LYAR: variants seen among roughly 807,000 people sequenced by gnomAD.
LYAR encodes the protein Ly1 antibody reactive.
LYAR carries 37 observed loss-of-function variants against 45.2 expected under a neutral mutation model. The ratio of observed to expected loss-of-function variants is 0.82; its 90% confidence interval spans 0.63 to 1.08. LYAR has a LOEUF of 1.08. Among genes scored for constraint, LYAR ranks in the 50% least tolerant of loss-of-function variants. LYAR has a pLI of 0.00. For missense variants in LYAR, 493 were observed against 451.0 expected, an observed-to-expected ratio of 1.09 and a Z score of -0.84; for synonymous variants, 176 against 155.1, an observed-to-expected ratio of 1.14 and a Z score of -1.00.
At chr4:4,286,807 C>T (rs896203737) in intron 1 of LYAR, among the ~76,000 whole-genome samples, 26 of 152,050 alleles carry the variant, frequency 1.7e-4, no homozygotes, top group Non-Finnish European at 3.4e-4. Context: ...CCACCACGCC[C>T]AGCTTATTTT....
intron 3 of LYAR, 143 bp from the exon 4 acceptor site, chr4:4,282,040 A>G: frequency 1.7e-6 from 1 of 598,508 alleles, no homozygotes; most frequent in Non-Finnish European, 3.0e-6. Flanking sequence ...TATTTCACTT[A>G]TTATGTTTAC....
intron 4 of LYAR, among the ~76,000 whole-genome samples, chr4:4,281,143 A>C (rs910459651): frequency 1.1e-4 from 16 of 152,278 alleles, no homozygotes; most frequent in Non-Finnish European, 1.5e-5. Context: ...ACATGGCTTG[A>C]GTTATAAAAG....
In LYAR at chr4:4,268,020, A is replaced by C; in HGVS notation, c.1009T>G (p.Leu337Val). 6.3e-7 allele frequency: 1 copy of C among 1,574,920 alleles called. No individual in the cohort carries two copies. The highest frequency in any genetic ancestry group is 8.6e-7 in the Non-Finnish European group (1 of 1,164,590). Residue 337 changes from leucine to valine, a missense_variant, in exon 10 of 10, where the codon TTA becomes GTA. Leu to Val is a conservative substitution (Grantham distance 32). Transcript: ENST00000343470. ...ITIKKLRKKV[L>V]AQYYTVTDEH... is the part of the protein sequence containing the mutation. ...TCTGTCACTGTGTAGTACTGAGCTA[A>C]AACCTTCACAAAGAAAAACATCAAA... is the stretch of plus-strand genomic sequence containing the variant.
At chr4:4,274,879 T>A in intron 6 of LYAR, 110 bp from the exon 7 acceptor site, 1 of 1,052,790 alleles carries the variant, frequency 9.5e-7, no homozygotes, top group East Asian at 2.4e-5. Flanking sequence ...AAACGGTTGG[T>A]TTAATCCCTT....
At chr4:4,274,922 T>TA (rs1251653778) in intron 6 of LYAR, among the ~76,000 whole-genome samples, 153 bp from the exon 7 acceptor site, 1 of 152,154 alleles carries the variant, frequency 6.6e-6, no homozygotes, top group Non-Finnish European at 1.5e-5. Context: ...CACCAACAGC[T>TA]AAAATGTAGC....
At chr4:4,273,484 G>T in intron 8 of LYAR, 99 bp downstream of exon 8, 1 of 784,130 alleles carries the variant, frequency 1.3e-6, no homozygotes, top group Non-Finnish European at 2.2e-6. Context: ...ACACTCCTGA[G>T]CTCAAGTGAC....
chr4:4,273,271 A>G (rs1228287302), intron 8 of LYAR, among the ~76,000 whole-genome samples: 1 of 152,222 alleles, frequency 6.6e-6, no homozygotes, highest in Non-Finnish European at 1.5e-5. Flanking sequence ...CACACCCTAG[A>G]GAACTGATTT....
At chr4:4,284,406 C>T (rs1270800855) in intron 2 of LYAR, among the ~76,000 whole-genome samples, 2 of 152,164 alleles carry the variant, frequency 1.3e-5, no homozygotes, top group African/African-American at 4.8e-5. Context: ...TAAAAGCATT[C>T]ATATCAATAT....
intron 8 of LYAR, among the ~76,000 whole-genome samples, chr4:4,271,254 GA>G: frequency 1.3e-5 from 2 of 152,228 alleles, no homozygotes; most frequent in South Asian, 2.1e-4. Context: ...ACAAATAAGT[GA>G]AAACATGCTA....
At chr4:4,269,106 A>T (rs1314509128) in intron 8 of LYAR, among the ~76,000 whole-genome samples, 2 of 152,168 alleles carry the variant, frequency 1.3e-5, no homozygotes, top group African/African-American at 4.8e-5. Context: ...CTGAAACTAT[A>T]TAGGCAAGAA....
intron 1 of LYAR, among the ~76,000 whole-genome samples, chr4:4,289,192 T>C (rs1466734727): frequency 6.6e-6 from 1 of 152,098 alleles, no homozygotes; most frequent in Admixed American, 6.5e-5. Flanking sequence ...GGTGCACCTA[T>C]CTCCACTAAA....
chr4:4,285,117 C>G (rs981411698), intron 2 of LYAR, among the ~76,000 whole-genome samples: 1 of 152,186 alleles, frequency 6.6e-6, no homozygotes, highest in African/African-American at 2.4e-5. Flanking sequence ...GCCTCTTGCC[C>G]TGTGGGACAC....
intron 2 of LYAR, among the ~76,000 whole-genome samples, chr4:4,284,596 C>CA (rs1179191984): frequency 2.6e-5 from 4 of 152,054 alleles, no homozygotes; most frequent in African/African-American, 9.7e-5. Flanking sequence ...AGCACTGCCC[C>CA]AAAAAGAAGT....
chr4:4,273,538 G>A, intron 8 of LYAR, 45 bp downstream of exon 8: 2 of 1,417,212 alleles, frequency 1.4e-6, no homozygotes, highest in East Asian at 2.3e-5. Flanking sequence ...ATCAGCGAGA[G>A]CCGCTGTGCC....
At position 4,268,537 on chromosome 4, in the gene LYAR, C is replaced by G; in HGVS notation, c.998G>C (p.Arg333Thr). ...PDNEITIKKL[R>T]KKVLAQYYTV... ...TTTGTTCATATGCCATACCTTTTTCCTTAGCTTTTTGATGGTTATTTCATT... is the reference window on the plus strand; with the variant it reads ...TTTGTTCATATGCCATACCTTTTTCGTTAGCTTTTTGATGGTTATTTCATT... The change falls in exon 9 of 10, where the codon AGG becomes ACG. Residue 333 changes from arginine (R) to threonine (T), a missense_variant. By Grantham distance (71) the Arg-to-Thr change is moderately conservative. Transcript: ENST00000343470. 1 of 1,609,922 alleles carries G rather than the reference C, an allele frequency of 6.2e-7. No homozygotes were observed.
chr4:4,288,284 C>A (rs1046466372), intron 1 of LYAR, among the ~76,000 whole-genome samples: 1 of 152,082 alleles, frequency 6.6e-6, no homozygotes, highest in Non-Finnish European at 1.5e-5. Flanking sequence ...CCCTCCTAAA[C>A]CCATGCTCCT....
chr4:4,279,516 G>A lies in LYAR; in HGVS notation c.360C>T (p.Asn120=), dbSNP rs981954740. The stretch of plus-strand genomic sequence containing the variant: ...TGGATTCATTATGAACTTTTAAACT[G>A]TTCTTCATCCAATTCTGTAAGAAAG... ...KKAKFQNWMK[N]SLKVHNESIL... is the part of the protein sequence containing the mutation. Residue 120 remains asparagine (N), a synonymous_variant, in exon 6 of 10, where the codon AAC becomes AAT. Transcript: ENST00000343470. The A allele has an allele frequency of 1.9e-6, 3 of 1,610,290 alleles. No homozygotes were observed. The highest frequency in any genetic ancestry group is 2.5e-6 in the Non-Finnish European group (3 of 1,176,644).
chr4:4,283,852 G>A, intron 2 of LYAR, 57 bp from the exon 3 acceptor site: 2 of 761,606 alleles, frequency 2.6e-6, no homozygotes, highest in South Asian at 4.7e-5. Flanking sequence ...TCAATAAATG[G>A]CTCATGCCCC....
At chr4:4,271,993 T>C (rs1419488816) in intron 8 of LYAR, among the ~76,000 whole-genome samples, 28 of 152,058 alleles carry the variant, frequency 1.8e-4, no homozygotes, top group Non-Finnish European at 1.5e-5. Context: ...AAAGGTTACA[T>C]ACTGTATGAT....
Sources: allele counts gnomAD v4.1 joint callset (sites outside exome capture counted in the v4.1 genomes callset), GRCh38; gene constraint gnomAD v4.1.1; transcripts MANE v1.5; gene names NCBI Gene and HGNC (gene_info 2026-07-23, HGNC 2026-07-21).